RAB10: variants seen among roughly 807,000 people sequenced by gnomAD.
RAB10 encodes RAB10, member RAS oncogene family.
RAB10 carries 5 observed loss-of-function variants against 25.7 expected under a neutral mutation model. That is an observed-to-expected ratio of 0.19 (90% CI 0.10 to 0.41). The LOEUF is 0.41. Among genes scored for constraint, RAB10 ranks in the 10% least tolerant of loss-of-function variants. The pLI, the probability that RAB10 is intolerant of heterozygous loss-of-function variation, is 1.00. For missense variants in RAB10, 103 were observed against 245.8 expected (o/e 0.42, Z 3.89); for synonymous variants, 89 against 86.4 (o/e 1.03, Z -0.16).
chr2:26,042,126 C>G lies in RAB10; in HGVS notation c.127+7391C>G, dbSNP rs575145533. Reference sequence around the variant, plus strand: ...GCTGCTTCTATACTGGATGTGCTACCTTTTGGTGTCATTAATCCTTTCTCC... The same window carrying G: ...GCTGCTTCTATACTGGATGTGCTACGTTTTGGTGTCATTAATCCTTTCTCC... On this transcript the variant is annotated intron_variant, in intron 1 of 5. Coordinates refer to ENST00000264710, the MANE Select transcript of RAB10 (RefSeq NM_016131.5). Among the ~76,000 whole-genome samples, 12 of 152,246 alleles carry G rather than the reference C, an allele frequency of 7.9e-5. No homozygotes were observed. In the South Asian group the frequency reaches 8.3e-4, roughly 11 times the overall value.
At chr2:26,113,298 C>T (rs1000005272) in intron 3 of RAB10, among the ~76,000 whole-genome samples, 23 of 152,044 alleles carry the variant, frequency 1.5e-4, no homozygotes, top group Admixed American at 1.2e-3. Flanking sequence ...GTCAGCCAAA[C>T]GCAGTGGCTC....
intron 1 of RAB10, among the ~76,000 whole-genome samples, chr2:26,091,337 T>C (rs1331639575): frequency 6.6e-6 from 1 of 152,092 alleles, no homozygotes; most frequent in Non-Finnish European, 1.5e-5. Flanking sequence ...TAGAGAAATA[T>C]TGCAACTTAG....
At chr2:26,070,713 A>G (rs945888035) in intron 1 of RAB10, among the ~76,000 whole-genome samples, 1 of 152,206 alleles carries the variant, frequency 6.6e-6, no homozygotes, top group African/African-American at 2.4e-5. Context: ...GGTTCCACCT[A>G]AATTTTCTTA....
At chr2:26,083,427 C>T (rs1189716824) in intron 1 of RAB10, among the ~76,000 whole-genome samples, 2 of 130,966 alleles carry the variant, frequency 1.5e-5, no homozygotes, top group East Asian at 4.9e-4. Context: ...GCTTTCCCCT[C>T]TTCCCTCCCC....
At chr2:26,100,822 AT>A (rs1667324841) in intron 2 of RAB10, among the ~76,000 whole-genome samples, 2 of 151,764 alleles carry the variant, frequency 1.3e-5, no homozygotes, top group African/African-American at 4.8e-5. Context: ...AACTTAAATT[AT>A]GTTTGTCTTC....
At chr2:26,117,174 G>A (rs1170444869) in intron 3 of RAB10, among the ~76,000 whole-genome samples, 1 of 152,158 alleles carries the variant, frequency 6.6e-6, no homozygotes, top group African/African-American at 2.4e-5. Context: ...TGTTGCGAAT[G>A]TCCAAGAGGG....
rs765596139 is a variant in RAB10, at chr2:26,069,620, C to T, written c.128-29042C>T. On this transcript the variant is annotated intron_variant, in intron 1 of 5. Coordinates refer to ENST00000264710, the MANE Select transcript of RAB10 (RefSeq NM_016131.5). ...AGTGGAGGTTGCAGTGAGCCCAGAT[C>T]GCACCACTGCACTCCAGTCTGGGCG... is the stretch of plus-strand genomic sequence containing the variant. Among the ~76,000 whole-genome samples the T allele has an allele frequency of 4.6e-5, 7 of 151,986 alleles. No individual in the cohort carries two copies. The Middle Eastern group carries it at 0.014, about 295-fold the overall frequency.
Position 26,137,221 on chromosome 2 carries a change from G to A in RAB10, c.*2200G>A, listed in dbSNP as rs1176211416. ...GGAAATGAAGTATAAATCAATTTTTGTATAATCTGTTTGAAACATGAGTTT... is the reference window on the plus strand; with the variant it reads ...GGAAATGAAGTATAAATCAATTTTTATATAATCTGTTTGAAACATGAGTTT... On this transcript the variant is annotated 3_prime_UTR_variant, in exon 6 of 6. Transcript: ENST00000264710. The A allele has an allele frequency of 1.3e-5, 2 of 152,598 alleles. No individual in the cohort carries two copies. The highest frequency in any genetic ancestry group is 6.5e-5 in the Admixed American group (1 of 15,280). The allele number at this position is 152,598 out of a possible 1,614,324, so 9.5% of individuals were successfully genotyped here.
Position 26,135,434 on chromosome 2 carries a change from A to G in RAB10, c.*413A>G, listed in dbSNP as rs1668091377. On this transcript the variant is annotated 3_prime_UTR_variant, in exon 6 of 6. Coordinates refer to ENST00000264710, the MANE Select transcript of RAB10 (RefSeq NM_016131.5). ...TCATGGATAATGTGCTTGAGTCCCT[A>G]TAATCTATAGACATGTGATAGCAAA... The G allele has an allele frequency of 6.4e-6, 1 of 155,106 alleles. No homozygotes were observed. Among genetic ancestry groups the G allele is most frequent in the Middle Eastern group, 3.1e-3 (1 of 320 alleles). 9.6% of individuals were successfully genotyped at this position (155,106 alleles called of 1,614,324 possible). A position where few individuals can be genotyped will look rare whatever the true frequency, so the allele number is the denominator to read the frequency against.
At chr2:26,106,858 C>T (rs1332657997) in intron 2 of RAB10, among the ~76,000 whole-genome samples, 1 of 152,084 alleles carries the variant, frequency 6.6e-6, no homozygotes. Context: ...GCACTCCAGC[C>T]TGGGCGACAG....
At chr2:26,034,881 T>A in intron 1 of RAB10, 146 bp downstream of exon 1, 1 of 1,249,388 alleles carries the variant, frequency 8.0e-7, no homozygotes, top group South Asian at 1.4e-5. Flanking sequence ...TGAATCGGCA[T>A]CGAGCTTACT....
chr2:26,135,029 C>A lies in RAB10; in HGVS notation c.*8C>A. 1 of 1,605,656 alleles carries A rather than the reference C, an allele frequency of 6.2e-7. No individual in the cohort carries two copies. Among genetic ancestry groups the A allele is most frequent in the Non-Finnish European group, 8.5e-7 (1 of 1,173,166 alleles). ...AAGAGCAAATGCTGCTGAGCATTCT[C>A]CTGTTCCATCAGTTGCCATCCACTA... On this transcript the variant is annotated 3_prime_UTR_variant, in exon 6 of 6. Coordinates refer to ENST00000264710, the MANE Select transcript of RAB10 (RefSeq NM_016131.5).
At chr2:26,134,809 GA>G (rs1428048576) in intron 5 of RAB10, 128 bp from the exon 6 acceptor site, 1 of 665,136 alleles carries the variant, frequency 1.5e-6, no homozygotes, top group African/African-American at 1.9e-5. Flanking sequence ...GCACGGAGGG[GA>G]AACCTATCTC....
At chr2:26,123,375 T>G (rs1667844100) in intron 3 of RAB10, among the ~76,000 whole-genome samples, 1 of 152,004 alleles carries the variant, frequency 6.6e-6, no homozygotes, top group Non-Finnish European at 1.5e-5. Context: ...TACTCTAACC[T>G]CAATAGAACA....
intron 1 of RAB10, among the ~76,000 whole-genome samples, chr2:26,077,932 T>C (rs1173624004): frequency 6.6e-6 from 1 of 151,984 alleles, no homozygotes. Context: ...CGAGCCAAGA[T>C]CGCGCCACTG....
intron 3 of RAB10, among the ~76,000 whole-genome samples, chr2:26,126,130 C>A (rs143008103): frequency 1.8e-3 from 271 of 152,270 alleles, no homozygotes; most frequent in African/African-American, 6.3e-3. Flanking sequence ...TCCCTATTGA[C>A]TGATTTTGGC....
rs758717505 is a variant in RAB10, at chr2:26,109,921, T to G, written c.327+15T>G. ...ACATAGATGAGGTAAGACCTAGAAC[T>G]TGTATAAACCCTTCATGAACACACA... is the stretch of plus-strand genomic sequence containing the variant. On this transcript the variant is annotated intron_variant, in intron 3 of 5. Transcript: ENST00000264710. The G allele has an allele frequency of 2.0e-5, 32 of 1,579,040 alleles. No individual in the cohort carries two copies. Among genetic ancestry groups the G allele is most frequent in the Non-Finnish European group, 2.7e-5 (31 of 1,165,072 alleles).
intron 1 of RAB10, among the ~76,000 whole-genome samples, chr2:26,041,879 G>C (rs1665897661): frequency 6.6e-6 from 1 of 152,056 alleles, no homozygotes. Context: ...AATCCAACCT[G>C]GGCAACAGGA....
At chr2:26,117,626 AAAAAAAAAAC>A (rs1484027451) in intron 3 of RAB10, among the ~76,000 whole-genome samples, 33 of 147,398 alleles carry the variant, frequency 2.2e-4, no homozygotes, top group African/African-American at 8.0e-4. Flanking sequence ...TCTCAAAAAA[AAAAAAAAAAC>A]AAAAAAAACA....
Sources: gnomAD v4.1 joint callset for allele counts (sites outside exome capture counted in the v4.1 genomes callset) on GRCh38, gnomAD v4.1.1 for gene constraint, MANE v1.5 for transcripts, NCBI Gene and HGNC (gene_info 2026-07-23, HGNC 2026-07-21) for gene names.